SBNO2: variants seen among roughly 807,000 people sequenced by gnomAD.
SBNO2 encodes strawberry notch homolog 2.
In SBNO2, 89 loss-of-function variants were observed where a neutral mutation model predicts 146.3. The observed-to-expected ratio is 0.61, with a 90% CI of 0.51 to 0.73. The LOEUF (loss-of-function observed/expected upper bound fraction) is 0.73, where lower values mean the gene tolerates loss of function less well. SBNO2 is among the 30% of genes least tolerant of loss of function. The pLI is 0.00. For synonymous variants in SBNO2, 1,147 were observed against 892.6 expected, an observed-to-expected ratio of 1.29 and a Z score of -5.08; for missense variants, 2,092 against 2,003.7, an observed-to-expected ratio of 1.04 and a Z score of -0.84.
chr19:1,146,100 C>G (rs1776845216), intron 4 of SBNO2, among the ~76,000 whole-genome samples: 1 of 152,208 alleles, frequency 6.6e-6, no homozygotes, highest in South Asian at 2.1e-4. Flanking sequence ...CGCCAGCTCC[C>G]AATCTCTCCT....
chr19:1,131,749 C>T (rs1046393214), intron 4 of SBNO2, among the ~76,000 whole-genome samples: 54 of 152,318 alleles, frequency 3.5e-4, no homozygotes, highest in African/African-American at 1.3e-3. Flanking sequence ...AGGAGGGGGA[C>T]GCAGCCCTCC....
chr19:1,153,008 T>C (rs912392266), intron 2 of SBNO2, among the ~76,000 whole-genome samples: 2 of 151,580 alleles, frequency 1.3e-5, no homozygotes, highest in Non-Finnish European at 2.9e-5. Context: ...TTTAAAAATC[T>C]GCCGGGCATG....
intron 1 of SBNO2, 25 bp downstream of exon 1, chr19:1,174,147 G>A (rs2080508707): frequency 6.6e-6 from 1 of 151,560 alleles, no homozygotes; most frequent in African/African-American, 2.4e-5. Flanking sequence ...TGGAGCCGGG[G>A]CGGGGGTCGC....
rs892248457 is a variant in SBNO2 at position 1,144,904 on chromosome 19, G to A, written c.279+2405C>T. Among the ~76,000 whole-genome samples, 16 of 103,940 alleles carry A rather than the reference G, an allele frequency of 1.5e-4. No individual in the cohort carries two copies. The highest frequency in any genetic ancestry group is 7.0e-4 in the East Asian group (2 of 2,868). The allele number at this position is 103,940 out of a possible 152,430, so 68.2% of individuals were successfully genotyped here. A position where few individuals can be genotyped will look rare whatever the true frequency, so the allele number is the denominator to read the frequency against. ...GAGAGGGAGACAGAGAGACAGAGGC[G>A]GAGATGGAGACAGAGACAGAGAGAC... On this transcript the variant is annotated intron_variant, in intron 4 of 31. Transcript: ENST00000361757. This position sits in a 1 kb window ranked among gnomAD's most constrained non-coding sequence, Gnocchi z 4.1.
At position 1,122,962 on chromosome 19, in the gene SBNO2, G is replaced by A. The variant is rs1171604734; in HGVS notation, c.712C>T (p.Leu238=). The change falls in exon 8 of 32, where the codon CTG becomes TTG. Residue 238 remains leucine (L), a synonymous_variant. Coordinates refer to ENST00000361757, the MANE Select transcript of SBNO2 (RefSeq NM_014963.3). The stretch of plus-strand genomic sequence containing the variant: ...GCCCCGCTGTCCGAGGGCAGGGCCA[G>A]GGTGTAGGTGATGTCTGGGGGTGGG... ...SVPPPDITYT[L]ALPSDSGALS... is the part of the protein sequence containing the mutation. The A allele has an allele frequency of 1.9e-6, 3 of 1,570,222 alleles. No individual in the cohort carries two copies. The highest frequency in any genetic ancestry group is 2.6e-6 in the Non-Finnish European group (3 of 1,158,502).
rs1057355291 is a variant in SBNO2 at position 1,139,372 on chromosome 19, C to T, written c.279+7937G>A. On this transcript the variant is annotated intron_variant, in intron 4 of 31. Transcript: ENST00000361757. Reference sequence around the variant, plus strand: ...GTGACAGCTGACGGGGACAGGGCCTCCTCTAGGGGGACAATGATCTGGAAT... The same window carrying T: ...GTGACAGCTGACGGGGACAGGGCCTTCTCTAGGGGGACAATGATCTGGAAT... Among the ~76,000 whole-genome samples the T allele has an allele frequency of 5.9e-5, 9 of 152,218 alleles. No homozygotes were observed. In the South Asian group the frequency reaches 1.9e-3, roughly 32 times the overall value.
At position 1,157,408 on chromosome 19, in the gene SBNO2, G is replaced by GGCCCCGAAGACGCCCTCCCCACGCA. The variant is rs1555727472; in HGVS notation, c.-126-3007_-126-3006insTGCGTGGGGAGGGCGTCTTCGGGGC. On this transcript the variant is annotated intron_variant, in intron 1 of 31. Coordinates refer to ENST00000361757, the MANE Select transcript of SBNO2 (RefSeq NM_014963.3). The surrounding 1 kb of genome is among the most constrained non-coding windows in gnomAD (Gnocchi z 6.8). Reference sequence around the variant, plus strand: ...AGCCCCGGAGACGCTCTCCCCACGCGGCCCCGGAGACCCTCTCCCCACGCG... The same window carrying GGCCCCGAAGACGCCCTCCCCACGCA: ...AGCCCCGGAGACGCTCTCCCCACGCGGCCCCGAAGACGCCCTCCCCACGCAGCCCCGGAGACCCTCTCCCCACGCG... 6.8e-6 allele frequency among the ~76,000 whole-genome samples: 1 copy of GGCCCCGAAGACGCCCTCCCCACGCA among 147,166 alleles called. No homozygotes were observed. Among genetic ancestry groups the GGCCCCGAAGACGCCCTCCCCACGCA allele is most frequent in the Non-Finnish European group, 1.5e-5 (1 of 65,740 alleles).
intron 3 of SBNO2, among the ~76,000 whole-genome samples, chr19:1,148,179 G>A (rs554017969): frequency 1.8e-4 from 28 of 152,138 alleles, no homozygotes; most frequent in South Asian, 4.1e-4. Flanking sequence ...AGTGGGAGCC[G>A]GAGGCCTTGG....
chr19:1,164,020 T>TC (rs964143496), intron 1 of SBNO2, among the ~76,000 whole-genome samples: 4 of 151,842 alleles, frequency 2.6e-5, no homozygotes, highest in Admixed American at 6.6e-5. Context: ...GAAGCTCCCC[T>TC]CCCCCCGACC....
At chr19:1,120,729 C>T (rs1462512743) in intron 11 of SBNO2, among the ~76,000 whole-genome samples, 1 of 151,666 alleles carries the variant, frequency 6.6e-6, no homozygotes, top group Non-Finnish European at 1.5e-5. Context: ...AATGCAGCGG[C>T]GCGATCTCAG....
At chr19:1,120,315 CATG>C (rs563484016) in intron 11 of SBNO2, among the ~76,000 whole-genome samples, 194 of 152,346 alleles carry the variant, frequency 1.3e-3, no homozygotes, top group Non-Finnish European at 2.1e-3. Context: ...ATCCCTAAAC[CATG>C]ATATCGCAGG....
intron 1 of SBNO2, among the ~76,000 whole-genome samples, chr19:1,164,026 C>A (rs1276866149): frequency 6.6e-6 from 1 of 152,204 alleles, no homozygotes. Flanking sequence ...CCCCTCCCCC[C>A]GACCAAGGAC....
chr19:1,109,006 C>A lies in SBNO2; in HGVS notation c.3426-37G>T. ...ACGGGTCGTCTCGGCTCAGGCGGGT[C>A]CCAGGGGCCCGCAGGCTCCCCAGGT... On this transcript the variant is annotated intron_variant, in intron 30 of 31. Coordinates refer to ENST00000361757, the MANE Select transcript of SBNO2 (RefSeq NM_014963.3). The surrounding 1 kb of genome is among the most constrained non-coding windows in gnomAD (Gnocchi z 4.2). 6.7e-7 allele frequency: 1 copy of A among 1,490,462 alleles called. No homozygotes were observed. The highest frequency in any genetic ancestry group is 8.9e-7 in the Non-Finnish European group (1 of 1,123,370). The allele number at this position is 1,490,462 out of a possible 1,614,324, so 92.3% of individuals were successfully genotyped here. A position where few individuals can be genotyped will look rare whatever the true frequency, so the allele number is the denominator to read the frequency against.
Position 1,119,596 on chromosome 19 carries a change from G to C in SBNO2, c.1293C>G (p.Ile431Met), listed in dbSNP as rs376127351. ...CCCAGATACCCAAGCGGCTCATGTA[G>C]ATCATGTTCCGAGGCTCAGAGGCAC... ...ATGASEPRNM[I>M]YMSRLGIWGE... The change falls in exon 13 of 32, where the codon ATC becomes ATG. Residue 431 changes from isoleucine to methionine, a missense_variant. Physicochemically the swap from Ile to Met is conservative, Grantham distance 10. Coordinates refer to ENST00000361757, the MANE Select transcript of SBNO2 (RefSeq NM_014963.3). 140 of 1,610,390 alleles carry C rather than the reference G, an allele frequency of 8.7e-5. No homozygotes were observed. The highest frequency in any genetic ancestry group is 1.1e-4 in the Non-Finnish European group (134 of 1,178,648).
intron 4 of SBNO2, among the ~76,000 whole-genome samples, chr19:1,139,417 C>T (rs1004303476): frequency 1.3e-5 from 2 of 152,116 alleles, no homozygotes; most frequent in South Asian, 2.1e-4. Flanking sequence ...ATGGTGATGG[C>T]TGAACAGCTC....
intron 19 of SBNO2, among the ~76,000 whole-genome samples, chr19:1,113,151 G>A (rs2079787474): frequency 6.6e-6 from 1 of 152,206 alleles, no homozygotes; most frequent in African/African-American, 2.4e-5. Context: ...TTATCAGCCA[G>A]CCGGCGCCAC....
intron 19 of SBNO2, 108 bp from the exon 20 acceptor site, chr19:1,113,057 G>A (rs2079786156): frequency 2.3e-6 from 3 of 1,323,640 alleles, no homozygotes; most frequent in Non-Finnish European, 3.1e-6. Flanking sequence ...TGGGCTCCCA[G>A]CTGTGCACGG....
At chr19:1,168,082 G>A (rs1247829709) in intron 1 of SBNO2, among the ~76,000 whole-genome samples, 1 of 152,128 alleles carries the variant, frequency 6.6e-6, no homozygotes, top group Non-Finnish European at 1.5e-5. Context: ...ATGTGGCCAG[G>A]GTTTCTAGAT....
intron 1 of SBNO2, among the ~76,000 whole-genome samples, chr19:1,167,966 C>T (rs2080442029): frequency 6.6e-6 from 1 of 152,210 alleles, no homozygotes; most frequent in African/African-American, 2.4e-5. Flanking sequence ...ACCTCCCCAC[C>T]CCTCCCACAT....
Sources: allele counts gnomAD v4.1 joint callset (sites outside exome capture counted in the v4.1 genomes callset), GRCh38; gene constraint gnomAD v4.1.1; non-coding constraint Gnocchi (gnomAD v3.1); transcripts MANE v1.5; gene names NCBI Gene and HGNC (gene_info 2026-07-23, HGNC 2026-07-21).